SLIT1: variants seen among roughly 807,000 people sequenced by gnomAD.
SLIT1 encodes the protein slit homolog 1 protein.
SLIT1 carries 66 observed loss-of-function variants against 186.1 expected under a neutral mutation model. The ratio of observed to expected loss-of-function variants is 0.35; its 90% CI spans 0.29 to 0.44. The LOEUF is 0.44. Ranked by LOEUF, SLIT1 falls within the 20% of genes least tolerant of loss-of-function variation. The pLI, the probability that SLIT1 is intolerant of heterozygous loss-of-function variation, is 1.00. For missense variants in SLIT1, 1,638 were observed against 2,037.4 expected (o/e 0.80, Z 3.77); for synonymous variants, 761 against 833.8 (o/e 0.91, Z 1.50).
chr10:97,047,069 T>TA lies in SLIT1; in HGVS notation c.1635-5dup, dbSNP rs762919994. 1.3e-6 allele frequency: 2 copies of TA among 1,596,144 alleles called. No individual in the cohort carries two copies. Among genetic ancestry groups the TA allele is most frequent in the Admixed American group, 3.3e-5 (2 of 59,980 alleles). ...AATCTCATTGTTATTCAATCGCCTGTAAGAGACAAGAATGAACTTGCACAT... is the reference window on the plus strand; with the variant it reads ...AATCTCATTGTTATTCAATCGCCTGTAAAGAGACAAGAATGAACTTGCACAT... On this transcript the variant is annotated splice_region_variant and splice_polypyrimidine_tract_variant and intron_variant, in intron 16 of 36. Transcript: ENST00000266058.
At chr10:97,002,020 T>C in intron 36 of SLIT1, 138 bp downstream of exon 36, 2 of 509,728 alleles carry the variant, frequency 3.9e-6, no homozygotes. Flanking sequence ...GTGGAGGGAC[T>C]CTGAAAGCCC....
Position 97,031,621 on chromosome 10 carries a change from C to A in SLIT1, c.2495G>T (p.Arg832Leu). Residue 832 changes from arginine to leucine, a missense_variant, in exon 24 of 37, where the codon CGC becomes CTC. By Grantham distance (102) the Arg-to-Leu change is moderately radical (BLOSUM62 -2). Coordinates refer to ENST00000266058, the MANE Select transcript of SLIT1 (RefSeq NM_003061.3). Reference protein sequence around the residue: ...CIPPLAFQGLRSLRLLSLHGN... With the variant: ...CIPPLAFQGLLSLRLLSLHGN... ...GGAGACTTACAGCAGGCGCAGGGAG[C>A]GGAGTCCCTGGAAGGCCAAAGGCGG... 3 of 1,551,416 alleles carry A rather than the reference C, an allele frequency of 1.9e-6. No homozygotes were observed. Among genetic ancestry groups the A allele is most frequent in the Non-Finnish European group, 1.7e-6 (2 of 1,146,606 alleles).
intron 31 of SLIT1, among the ~76,000 whole-genome samples, chr10:97,009,374 ACC>A (rs1278923617): frequency 6.6e-6 from 1 of 152,228 alleles, no homozygotes; most frequent in East Asian, 1.9e-4. Context: ...GAGTGCCATG[ACC>A]ATTCAATTGG....
intron 4 of SLIT1, among the ~76,000 whole-genome samples, chr10:97,095,927 C>G (rs1849284133): frequency 6.6e-6 from 1 of 152,144 alleles, no homozygotes; most frequent in African/African-American, 2.4e-5. Flanking sequence ...TGGGGTGGGC[C>G]TGAGAGTCTG....
At chr10:97,071,413 T>C (rs1849000294) in intron 4 of SLIT1, among the ~76,000 whole-genome samples, 1 of 152,218 alleles carries the variant, frequency 6.6e-6, no homozygotes, top group Non-Finnish European at 1.5e-5. Context: ...GAAGGAACGC[T>C]GGGCCGGCAC....
intron 1 of SLIT1, among the ~76,000 whole-genome samples, chr10:97,165,648 G>A (rs943698644): frequency 5.3e-5 from 8 of 152,108 alleles, no homozygotes; most frequent in South Asian, 2.1e-4. Context: ...ACAGAAGGCC[G>A]GAGAGAGCAA....
intron 22 of SLIT1, among the ~76,000 whole-genome samples, chr10:97,034,753 C>T (rs1039369830): frequency 1.3e-5 from 2 of 152,032 alleles, no homozygotes; most frequent in African/African-American, 4.8e-5. Context: ...GGTACCAGGG[C>T]TTGGTGCCTC....
chr10:97,161,971 G>A (rs1850033703), intron 3 of SLIT1, among the ~76,000 whole-genome samples: 1 of 152,134 alleles, frequency 6.6e-6, no homozygotes, highest in African/African-American at 2.4e-5. Flanking sequence ...ATAATATAAG[G>A]CAAAGAGCTT....
chr10:97,147,416 G>C (rs997194596), intron 4 of SLIT1, among the ~76,000 whole-genome samples: 2 of 152,164 alleles, frequency 1.3e-5, no homozygotes, highest in African/African-American at 4.8e-5. Flanking sequence ...TAGCTGAAAT[G>C]ATAAATATTA....
intron 31 of SLIT1, among the ~76,000 whole-genome samples, chr10:97,008,863 A>ATTAT (rs918660350): frequency 2.3e-4 from 35 of 151,262 alleles, no homozygotes; most frequent in East Asian, 3.9e-4. Context: ...TTTATTTTTT[A>ATTAT]TTATTTATTT....
chr10:97,025,007 C>T (rs75873185), intron 25 of SLIT1, among the ~76,000 whole-genome samples: 4 of 152,250 alleles, frequency 2.6e-5, no homozygotes, highest in Admixed American at 6.5e-5. Flanking sequence ...CGATGGCTCA[C>T]GCCTGTAGTC....
intron 1 of SLIT1, among the ~76,000 whole-genome samples, chr10:97,171,781 T>C (rs1295371516): frequency 6.6e-6 from 1 of 151,138 alleles, no homozygotes; most frequent in African/African-American, 2.4e-5. Flanking sequence ...ATCGTGCCAG[T>C]GCACTCCAGC....
chr10:97,185,553 G>A lies in SLIT1; in HGVS notation c.122C>T (p.Thr41Ile). 1.2e-6 allele frequency: 2 copies of A among 1,611,346 alleles called. No individual in the cohort carries two copies. Among genetic ancestry groups the A allele is most frequent in the Non-Finnish European group, 1.7e-6 (2 of 1,179,404 alleles). Residue 41 changes from threonine (T) to isoleucine (I), a missense_variant, in exon 1 of 37, where the codon ACC becomes ATC. By Grantham distance (89) the Thr-to-Ile change is moderately conservative. Coordinates refer to ENST00000266058, the MANE Select transcript of SLIT1 (RefSeq NM_003061.3). Reference sequence around the variant, plus strand: ...GCCGTGGCAGTCCACCGTGGTTCCGGTGCAGGTGCAGAGGGCGGGGCACGC... The same window carrying A: ...GCCGTGGCAGTCCACCGTGGTTCCGATGCAGGTGCAGAGGGCGGGGCACGC... ...ASACPALCTCTGTTVDCHGTG... is the reference protein window; with the variant it reads ...ASACPALCTCIGTTVDCHGTG...
intron 25 of SLIT1, among the ~76,000 whole-genome samples, chr10:97,026,274 G>C (rs1157582794): frequency 6.6e-6 from 1 of 152,064 alleles, no homozygotes; most frequent in Non-Finnish European, 1.5e-5. Context: ...GACCAGCCTG[G>C]CCAACATGGC....
chr10:97,060,069 G>C lies in SLIT1; in HGVS notation c.1013+18C>G. The C allele has an allele frequency of 6.3e-7, 1 of 1,596,904 alleles. No individual in the cohort carries two copies. The highest frequency in any genetic ancestry group is 2.2e-5 in the East Asian group (1 of 44,796). The stretch of plus-strand genomic sequence containing the variant: ...CAGCCCTGTACCAGCTCCCCAGGAA[G>C]CAGTGGGAGGCACTCACATCCTCCG... On this transcript the variant is annotated intron_variant, in intron 10 of 36. Transcript: ENST00000266058.
chr10:97,099,034 G>A (rs879812693), intron 4 of SLIT1, among the ~76,000 whole-genome samples: 16 of 152,100 alleles, frequency 1.1e-4, no homozygotes, highest in Non-Finnish European at 2.1e-4. Flanking sequence ...GGGAGCGAGC[G>A]TGTGTGACTT....
At chr10:97,058,032 C>T (rs1438724292) in intron 11 of SLIT1, 1 of 717,466 alleles carries the variant, frequency 1.4e-6, no homozygotes, top group Admixed American at 2.0e-5. Flanking sequence ...GAGTGAGGCA[C>T]AGCAACAGCA....
At chr10:97,064,079 G>C in intron 7 of SLIT1, 89 bp downstream of exon 7, 1 of 1,087,604 alleles carries the variant, frequency 9.2e-7, no homozygotes, top group South Asian at 1.3e-5. Context: ...TCCATGACCT[G>C]TCTGCAAAAC....
chr10:97,021,121 G>GGCTTGTTC lies in SLIT1; in HGVS notation c.2746+128_2746+129insGAACAAGC. The GGCTTGTTC allele has an allele frequency of 2.5e-6, 2 of 784,696 alleles. No homozygotes were observed. 48.6% of individuals were successfully genotyped at this position (784,696 alleles called of 1,614,324 possible). A position where few individuals can be genotyped will look rare whatever the true frequency, so the allele number is the denominator to read the frequency against. On this transcript the variant is annotated intron_variant, in intron 26 of 36. Coordinates refer to ENST00000266058, the MANE Select transcript of SLIT1 (RefSeq NM_003061.3). This position sits in a 1 kb window ranked among gnomAD's most constrained non-coding sequence, Gnocchi z 4.5. ...GGAAGGCAGCCATCAAGCCGCAGGT[G>GGCTTGTTC]CCTTGTTCCTGTCCCCTGACCCCCC...
Sources: allele counts gnomAD v4.1 joint callset (sites outside exome capture counted in the v4.1 genomes callset), GRCh38; gene constraint gnomAD v4.1.1; non-coding constraint Gnocchi (gnomAD v3.1); transcripts MANE v1.5; gene names NCBI Gene and HGNC (gene_info 2026-07-23, HGNC 2026-07-21).